PRTFDC1: variants seen among roughly 807,000 people sequenced by gnomAD.
PRTFDC1 encodes phosphoribosyl transferase domain containing 1, also known as phosphoribosyltransferase domain-containing protein 1.
A neutral mutation model predicts 34.6 loss-of-function variants in PRTFDC1; 38 were observed. The ratio of observed to expected loss-of-function variants is 1.10; its 90% confidence interval spans 0.85 to 1.44. PRTFDC1 has a LOEUF of 1.44. PRTFDC1 is among the 40% of genes most tolerant of loss of function. The pLI is 0.00. For synonymous variants in PRTFDC1, 93 were observed against 98.1 expected, an observed-to-expected ratio of 0.95 and a Z score of 0.31; for missense variants, 270 against 283.0, an observed-to-expected ratio of 0.95 and a Z score of 0.33.
intron 7 of PRTFDC1, 139 bp downstream of exon 7, chr10:24,855,179 G>A (rs752726150): frequency 3.6e-5 from 27 of 752,848 alleles, no homozygotes; most frequent in South Asian, 9.2e-5. Context: ...TGAGGAATCC[G>A]TGGGACTATC....
chr10:24,906,070 G>A (rs1164494917), intron 3 of PRTFDC1, among the ~76,000 whole-genome samples: 1 of 152,148 alleles, frequency 6.6e-6, no homozygotes. Flanking sequence ...TGTTGCAAAT[G>A]ATAGGATGTC....
chr10:24,857,160 G>A (rs1415660683), intron 5 of PRTFDC1, 165 bp from the exon 6 acceptor site: 5 of 652,638 alleles, frequency 7.7e-6, no homozygotes, highest in African/African-American at 1.8e-5. Context: ...TTAGACAGGC[G>A]CTTCTTTCTG....
At chr10:24,850,458 C>G (rs1847465765) in intron 8 of PRTFDC1, among the ~76,000 whole-genome samples, 1 of 152,024 alleles carries the variant, frequency 6.6e-6, no homozygotes, top group Non-Finnish European at 1.5e-5. Context: ...ATACGAAGAC[C>G]CCATCTCTAC....
At chr10:24,944,109 C>T (rs972932198) in intron 1 of PRTFDC1, among the ~76,000 whole-genome samples, 1 of 152,054 alleles carries the variant, frequency 6.6e-6, no homozygotes, top group Non-Finnish European at 1.5e-5. Flanking sequence ...CTCAGAAGCC[C>T]AGGTCACACC....
chr10:24,951,901 T>C (rs1217932327), intron 1 of PRTFDC1, among the ~76,000 whole-genome samples: 1 of 152,136 alleles, frequency 6.6e-6, no homozygotes, highest in Non-Finnish European at 1.5e-5. Context: ...ATCCTCCCAA[T>C]TGGCTCCAGA....
At chr10:24,850,408 C>A (rs377655161) in intron 8 of PRTFDC1, among the ~76,000 whole-genome samples, 8 of 152,118 alleles carry the variant, frequency 5.3e-5, no homozygotes, top group African/African-American at 1.9e-4. Flanking sequence ...GAGGTGGGAG[C>A]ATGATTTGAA....
intron 3 of PRTFDC1, among the ~76,000 whole-genome samples, chr10:24,876,178 G>T (rs985694979): frequency 6.6e-6 from 1 of 151,956 alleles, no homozygotes; most frequent in Non-Finnish European, 1.5e-5. Context: ...CCAGGAGTTT[G>T]AGACCAGCCT....
chr10:24,926,261 G>A (rs548601847), intron 3 of PRTFDC1, among the ~76,000 whole-genome samples: 24 of 152,200 alleles, frequency 1.6e-4, no homozygotes, highest in Non-Finnish European at 3.2e-4. Context: ...AAAGCACTTA[G>A]GACAATAGTT....
At chr10:24,858,527 C>G in intron 4 of PRTFDC1, 118 bp from the exon 5 acceptor site, 2 of 1,012,458 alleles carry the variant, frequency 2.0e-6, no homozygotes, top group African/African-American at 3.2e-5. Context: ...CCTTCCCCAT[C>G]CATCTAATTC....
chr10:24,944,137 C>A (rs1217650485), intron 1 of PRTFDC1, among the ~76,000 whole-genome samples: 1 of 152,088 alleles, frequency 6.6e-6, no homozygotes, highest in East Asian at 1.9e-4. Flanking sequence ...TTCCTGGAGG[C>A]CTTGCTGACT....
At chr10:24,875,913 T>A (rs757076800) in intron 3 of PRTFDC1, among the ~76,000 whole-genome samples, 7 of 148,622 alleles carry the variant, frequency 4.7e-5, no homozygotes, top group Non-Finnish European at 7.4e-5. Flanking sequence ...TGGAGCGCAG[T>A]GATGTAATCA....
intron 4 of PRTFDC1, among the ~76,000 whole-genome samples, chr10:24,861,328 C>G (rs1847676733): frequency 6.6e-6 from 1 of 152,024 alleles, no homozygotes; most frequent in Non-Finnish European, 1.5e-5. Context: ...TATTGAAACC[C>G]CTTCTGTACC....
intron 7 of PRTFDC1, among the ~76,000 whole-genome samples, chr10:24,852,254 G>A (rs1381920582): frequency 6.6e-6 from 1 of 151,972 alleles, no homozygotes; most frequent in Non-Finnish European, 1.5e-5. Flanking sequence ...CAGGGTTCAA[G>A]CCATTCTCCT....
At chr10:24,883,973 A>C (rs1004288525) in intron 3 of PRTFDC1, among the ~76,000 whole-genome samples, 3 of 151,752 alleles carry the variant, frequency 2.0e-5, no homozygotes, top group African/African-American at 7.3e-5. Flanking sequence ...ACAGTCATGC[A>C]CCATCATGCC....
intron 3 of PRTFDC1, among the ~76,000 whole-genome samples, chr10:24,901,735 G>A (rs1848453413): frequency 6.6e-6 from 1 of 152,090 alleles, no homozygotes; most frequent in African/African-American, 2.4e-5. Flanking sequence ...TCTCAAATAA[G>A]TAAGTAAATA....
At chr10:24,890,586 G>C (rs927961672) in intron 3 of PRTFDC1, among the ~76,000 whole-genome samples, 2 of 152,236 alleles carry the variant, frequency 1.3e-5, no homozygotes, top group African/African-American at 4.8e-5. Context: ...GTTTTGTAAG[G>C]GAGGGAGGAG....
chr10:24,890,942 C>T (rs746616344), intron 3 of PRTFDC1, among the ~76,000 whole-genome samples: 16 of 152,128 alleles, frequency 1.1e-4, no homozygotes, highest in South Asian at 2.1e-4. Flanking sequence ...CAGGGATTGG[C>T]GGAGGAGGTG....
Position 24,868,771 on chromosome 10 carries a change from C to G in PRTFDC1, c.405+3227G>C, listed in dbSNP as rs930496403. Reference sequence around the variant, plus strand: ...ACCCATTAAAACAAGTACCCACTAACTGTTGGGTGCCTTTTCCTTTTACAT... The same window carrying G: ...ACCCATTAAAACAAGTACCCACTAAGTGTTGGGTGCCTTTTCCTTTTACAT... On this transcript the variant is annotated intron_variant, in intron 4 of 8. Coordinates refer to ENST00000320152, the MANE Select transcript of PRTFDC1 (RefSeq NM_020200.7). 2.1e-5 allele frequency among the ~76,000 whole-genome samples: 3 copies of G among 142,332 alleles called. No individual in the cohort carries two copies. In the South Asian group the frequency reaches 7.2e-4, roughly 34 times the overall value. 93.4% of individuals were successfully genotyped at this position (142,332 alleles called of 152,430 possible).
At chr10:24,895,696 T>TATATAG (rs1302428162) in intron 3 of PRTFDC1, among the ~76,000 whole-genome samples, 1 of 121,142 alleles carries the variant, frequency 8.3e-6, no homozygotes, top group Non-Finnish European at 1.7e-5. Flanking sequence ...TGGATATATA[T>TATATAG]ATATATATAT....
Sources: allele counts gnomAD v4.1 joint callset (sites outside exome capture counted in the v4.1 genomes callset), GRCh38; gene constraint gnomAD v4.1.1; transcripts MANE v1.5; gene names NCBI Gene and HGNC (gene_info 2026-07-23, HGNC 2026-07-21).